The following GUCY2F variants were observed in gnomAD, a reference collection of about 807,000 sequenced individuals.
The protein encoded by GUCY2F is guanylate cyclase 2F, retinal.
A neutral mutation model predicts 73.1 loss-of-function variants in GUCY2F; 61 were observed. The ratio of observed to expected loss-of-function variants is 0.83; its 90% CI spans 0.68 to 1.03. The LOEUF is 1.03. GUCY2F is among the 50% of genes least tolerant of loss of function. The pLI is 0.00. For missense variants in GUCY2F, 912 were observed against 854.3 expected, an observed-to-expected ratio of 1.07 and a Z score of -0.84; for synonymous variants, 331 against 307.8, an observed-to-expected ratio of 1.08 and a Z score of -0.79.
chrX:109,455,213 T>C (rs1394005539), intron 3 of GUCY2F, among the ~76,000 whole-genome samples: 2 of 111,876 alleles, frequency 1.8e-5, no homozygotes, highest in Non-Finnish European at 3.8e-5. Context: ...GATTCTAATA[T>C]GCATGCAGGA....
At chrX:109,420,212 T>C (rs1362702839) in intron 8 of GUCY2F, among the ~76,000 whole-genome samples, 2 of 85,930 alleles carry the variant, frequency 2.3e-5, no homozygotes, top group Non-Finnish European at 4.3e-5. Context: ...AAGGATTTCT[T>C]AGGCCACCAA....
intron 17 of GUCY2F, among the ~76,000 whole-genome samples, chrX:109,379,769 G>A (rs942606414): frequency 4.4e-5 from 5 of 112,558 alleles, no homozygotes; most frequent in Non-Finnish European, 5.6e-5. Flanking sequence ...CCCACAAGGC[G>A]AGAAATATTG....
At chrX:109,431,918 A>AG (rs1269785492) in intron 7 of GUCY2F, among the ~76,000 whole-genome samples, 1 of 108,544 alleles carries the variant, frequency 9.2e-6, no homozygotes, top group African/African-American at 3.4e-5. Context: ...AAAAAAAAAA[A>AG]AAAAGAAAAA....
intron 6 of GUCY2F, among the ~76,000 whole-genome samples, chrX:109,443,725 GAT>G (rs1214094552): frequency 8.9e-6 from 1 of 111,978 alleles, no homozygotes; most frequent in Non-Finnish European, 1.9e-5. Flanking sequence ...GTATCATTTT[GAT>G]ATGTTAGAGC....
At chrX:109,395,709 CTT>C (rs1391545500) in intron 11 of GUCY2F, among the ~76,000 whole-genome samples, 1 of 111,825 alleles carries the variant, frequency 8.9e-6, no homozygotes, top group African/African-American at 3.3e-5. Context: ...CAGTTGGACT[CTT>C]GGTATCATTT....
intron 7 of GUCY2F, among the ~76,000 whole-genome samples, chrX:109,439,322 A>G (rs1931819869): frequency 8.9e-6 from 1 of 112,016 alleles, no homozygotes; most frequent in African/African-American, 3.2e-5. Flanking sequence ...CCTGTAATGG[A>G]CATGACAGCT....
intron 15 of GUCY2F, among the ~76,000 whole-genome samples, chrX:109,387,030 A>G (rs1448302702): frequency 2.7e-5 from 3 of 111,659 alleles, no homozygotes; most frequent in African/African-American, 9.8e-5. Context: ...GCCACCAAGG[A>G]GCTTAAAGCC....
intron 14 of GUCY2F, among the ~76,000 whole-genome samples, chrX:109,391,370 A>T (rs755360891): frequency 9.0e-6 from 1 of 111,248 alleles, no homozygotes; most frequent in African/African-American, 3.3e-5. Context: ...GTTACCCTGT[A>T]GCAATCCCAA....
intron 8 of GUCY2F, among the ~76,000 whole-genome samples, chrX:109,430,104 C>T (rs951740109): frequency 1.8e-5 from 2 of 111,664 alleles, no homozygotes; most frequent in East Asian, 5.6e-4. Flanking sequence ...ATGGTAGAGC[C>T]GAGATTTGAG....
chrX:109,448,187 A>G (rs780254425), intron 5 of GUCY2F, 22 bp from the exon 6 acceptor site: 1 of 783,442 alleles, frequency 1.3e-6, no homozygotes, highest in South Asian at 2.1e-5. Context: ...ATGAAATCAG[A>G]GGGTCACAAG....
chrX:109,453,034 C>G, intron 4 of GUCY2F, among the ~76,000 whole-genome samples: 1 of 111,896 alleles, frequency 8.9e-6, no homozygotes, highest in Non-Finnish European at 1.9e-5. Context: ...CAATTTTGTG[C>G]TAAGCTGTGA....
intron 7 of GUCY2F, 24 bp downstream of exon 7, chrX:109,441,326 AT>A: frequency 9.6e-7 from 1 of 1,039,373 alleles, no homozygotes; most frequent in Non-Finnish European, 1.3e-6. Context: ...AAAGCAGTAG[AT>A]TAGACAGCTG....
In GUCY2F at chrX:109,441,846, A is replaced by G. The variant is rs192884103; in HGVS notation, c.1570-364T>C. On this transcript the variant is annotated intron_variant, in intron 6 of 19. Transcript: ENST00000218006. Reference sequence around the variant, plus strand: ...ATAAGTTTCCTAATATCATATAGCTAGTCAATTATTTAGTTACAAGATTAT... The same window carrying G: ...ATAAGTTTCCTAATATCATATAGCTGGTCAATTATTTAGTTACAAGATTAT... 3.9e-3 allele frequency among the ~76,000 whole-genome samples: 441 copies of G among 111,672 alleles called. 3 individuals carry two copies. Among genetic ancestry groups the G allele is most frequent in the African/African-American group, 0.014 (422 of 30,775 alleles).
In GUCY2F at chrX:109,392,945, C is replaced by T. The variant is rs756103629; in HGVS notation, c.2535G>A (p.Glu845=). ...LEDLIRERTE[E]LEIEKQKTEK... is the part of the protein sequence containing the mutation. The stretch of plus-strand genomic sequence containing the variant: ...CCGTTTTCTGTTTTTCAATTTCCAG[C>T]TCTTCAGTCCGCTCCCGAATCAAAT... Residue 845 remains glutamate (E), a synonymous_variant, in exon 13 of 20, where the codon GAG becomes GAA. Transcript: ENST00000218006. 5.1e-6 allele frequency: 6 copies of T among 1,181,611 alleles called. No homozygotes were observed. In the South Asian group the frequency reaches 7.1e-5, roughly 14 times the overall value.
In GUCY2F at chrX:109,475,635, T is replaced by A; in HGVS notation, c.302A>T (p.Asn101Ile). The A allele has an allele frequency of 1.7e-6, 2 of 1,209,364 alleles. No individual in the cohort carries two copies. The highest frequency in any genetic ancestry group is 2.2e-6 in the Non-Finnish European group (2 of 893,485). ...LSYSFEYVILNEDCQTSRALS... is the reference protein window; with the variant it reads ...LSYSFEYVILIEDCQTSRALS... ...AGCCCTCGAAGTCTGGCAGTCTTCA[T>A]TGAGAATCACGTATTCAAAAGAATA... is the stretch of plus-strand genomic sequence containing the variant. The change falls in exon 2 of 20, where the codon AAT becomes ATT. Residue 101 changes from asparagine to isoleucine, a missense_variant. Transcript: ENST00000218006.
At chrX:109,384,429 C>T (rs1021847477) in intron 16 of GUCY2F, among the ~76,000 whole-genome samples, 1 of 112,176 alleles carries the variant, frequency 8.9e-6, no homozygotes, top group Admixed American at 9.5e-5. Context: ...ATGATATAAG[C>T]AAAAGGCACA....
rs1208333934 is a variant in GUCY2F at position 109,395,393 on chromosome X, C to A, written c.2372G>T (p.Cys791Phe). The change falls in exon 12 of 20, where the codon TGC (cysteine) becomes TTC (phenylalanine). Residue 791 changes from cysteine to phenylalanine, a missense_variant. Coordinates refer to ENST00000218006, the MANE Select transcript of GUCY2F (RefSeq NM_001522.3). ...TCGTTGTTCTGCAGCCTCAGCCCAG[C>A]ACTGCTTCATCAGCTGGAGACATTC... ...PPECLQLMKQ[C>F]WAEAAEQRPT... 1.7e-6 allele frequency: 2 copies of A among 1,205,468 alleles called. No individual in the cohort carries two copies. Among genetic ancestry groups the A allele is most frequent in the Non-Finnish European group, 2.2e-6 (2 of 889,673 alleles).
At chrX:109,442,006 C>T (rs73530234) in intron 6 of GUCY2F, among the ~76,000 whole-genome samples, 2,298 of 111,034 alleles carry the variant, frequency 0.021, 53 homozygotes, top group African/African-American at 0.07. Context: ...ATAAGATTAA[C>T]GGCAGAGGGT....
chrX:109,392,738 T>C (rs1930597174), intron 13 of GUCY2F, among the ~76,000 whole-genome samples, 154 bp downstream of exon 13: 1 of 111,628 alleles, frequency 9.0e-6, no homozygotes, highest in African/African-American at 3.3e-5. Context: ...TTTACTTTGA[T>C]TTAAAGGTGT....
Sources: allele counts gnomAD v4.1 joint callset (sites outside exome capture counted in the v4.1 genomes callset), GRCh38; gene constraint gnomAD v4.1.1; transcripts MANE v1.5; gene names NCBI Gene and HGNC (gene_info 2026-07-23, HGNC 2026-07-21).